TLN2: variants seen among roughly 807,000 people sequenced by gnomAD.
TLN2 encodes the protein talin-2.
A neutral mutation model predicts 294.7 loss-of-function variants in TLN2; 118 were observed. The observed-to-expected ratio is 0.40, with a 90% CI of 0.34 to 0.47. The LOEUF (loss-of-function observed/expected upper bound fraction) is 0.47. Among genes scored for constraint, TLN2 ranks in the 20% least tolerant of loss-of-function variants. TLN2 has a pLI of 0.84. For synonymous variants in TLN2, 1,431 were observed against 1,304.5 expected (o/e 1.10, Z -2.09); for missense variants, 3,083 against 3,282.2 (o/e 0.94, Z 1.48).
intron 1 of TLN2, among the ~76,000 whole-genome samples, chr15:62,494,838 A>G (rs2038937508): frequency 6.6e-6 from 1 of 152,152 alleles, no homozygotes; most frequent in Non-Finnish European, 1.5e-5. Flanking sequence ...CCCCCTTGCT[A>G]TAGCTGGACT....
At chr15:62,680,968 C>T (rs2056777000) in intron 11 of TLN2, among the ~76,000 whole-genome samples, 1 of 152,128 alleles carries the variant, frequency 6.6e-6, no homozygotes, top group Non-Finnish European at 1.5e-5. Flanking sequence ...TTTTCTCTAT[C>T]CACTCATTAG....
chr15:62,583,425 G>T (rs2045313117), intron 1 of TLN2, among the ~76,000 whole-genome samples: 1 of 151,984 alleles, frequency 6.6e-6, no homozygotes, highest in Non-Finnish European at 1.5e-5. Flanking sequence ...TATCATAGTT[G>T]GTCTAGAGAC....
Position 62,750,460 on chromosome 15 carries a change from A to C in TLN2, c.4178A>C (p.Asp1393Ala). The C allele has an allele frequency of 1.2e-6, 2 of 1,614,162 alleles. No homozygotes were observed. The highest frequency in any genetic ancestry group is 4.5e-5 in the East Asian group (2 of 44,882). Residue 1393 changes from aspartate to alanine, a missense_variant, in exon 34 of 59, where the codon GAC becomes GCC. Transcript: ENST00000636159. ...NEPVSDLSYF[D>A]CIESVMENSK... ...CCTGTTAGTGACCTCTCTTACTTTG[A>C]CTGCATTGAGAGTGTGATGGAAAAC...
intron 9 of TLN2, among the ~76,000 whole-genome samples, chr15:62,672,083 G>A (rs911275157): frequency 3.3e-5 from 5 of 152,062 alleles, no homozygotes; most frequent in African/African-American, 7.2e-5. Context: ...AAAAGTTCCC[G>A]ATCAAGTTGT....
chr15:62,683,173 G>A (rs34716172), intron 11 of TLN2: 2 of 152,224 alleles, frequency 1.3e-5, no homozygotes, highest in African/African-American at 4.8e-5. Flanking sequence ...TTTGGGCTTG[G>A]GCCATATTGA....
intron 1 of TLN2, among the ~76,000 whole-genome samples, chr15:62,430,908 C>T (rs1448685225): frequency 5.1e-5 from 7 of 136,038 alleles, no homozygotes; most frequent in Admixed American, 8.1e-5. Context: ...CTGGAGGAGG[C>T]GAGAAAGATG....
chr15:62,768,447 T>A (rs1348327927), intron 41 of TLN2, among the ~76,000 whole-genome samples: 1 of 152,194 alleles, frequency 6.6e-6, no homozygotes, highest in East Asian at 1.9e-4. Context: ...GTTATTGGAT[T>A]TAGAGCCCGT....
chr15:62,490,393 T>G (rs1266639415), intron 1 of TLN2, among the ~76,000 whole-genome samples: 2 of 152,208 alleles, frequency 1.3e-5, no homozygotes, highest in Non-Finnish European at 2.9e-5. Flanking sequence ...TTTGTCTCTA[T>G]CCTCAGAGGA....
intron 1 of TLN2, among the ~76,000 whole-genome samples, chr15:62,536,423 C>T (rs527825311): frequency 1.3e-5 from 2 of 152,188 alleles, no homozygotes; most frequent in Admixed American, 1.3e-4. Flanking sequence ...TCTTCTGTGG[C>T]ACCAATTTGG....
At chr15:62,507,577 G>A (rs2039692831) in intron 1 of TLN2, among the ~76,000 whole-genome samples, 3 of 152,240 alleles carry the variant, frequency 2.0e-5, no homozygotes, top group South Asian at 2.1e-4. Context: ...TGCAGAGTGG[G>A]CTTTGGATAT....
intron 1 of TLN2, among the ~76,000 whole-genome samples, chr15:62,525,976 C>G (rs1013265766): frequency 8.5e-5 from 13 of 152,240 alleles, no homozygotes; most frequent in African/African-American, 2.9e-4. Context: ...TTAAAGACTT[C>G]AGTTTTGCAT....
intron 1 of TLN2, among the ~76,000 whole-genome samples, chr15:62,430,934 C>CAAAAA (rs10649000): frequency 0.017 from 2,382 of 143,662 alleles, 121 homozygotes; most frequent in Admixed American, 0.097. Context: ...CAGGAAAAGC[C>CAAAAA]AAAAAAAAAA....
intron 6 of TLN2, 114 bp downstream of exon 6, chr15:62,652,248 C>A: frequency 8.5e-7 from 1 of 1,172,296 alleles, no homozygotes. Flanking sequence ...CTTAACACGC[C>A]GAGTTCTGCC....
chr15:62,483,018 C>G (rs1044420915), intron 1 of TLN2, among the ~76,000 whole-genome samples: 1 of 152,222 alleles, frequency 6.6e-6, no homozygotes, highest in Non-Finnish European at 1.5e-5. Flanking sequence ...GAGACTGCTT[C>G]TAGACTGGGC....
At chr15:62,835,471 T>A (rs11637970) in intron 55 of TLN2, 535,961 of 541,078 alleles carry the variant, frequency 0.99, 265,613 homozygotes, top group East Asian at 1. Context: ...TTTCCCAGAA[T>A]TGCAGTACCT....
chr15:62,582,231 C>CAT (rs1567138696), intron 1 of TLN2, among the ~76,000 whole-genome samples: 24 of 145,678 alleles, frequency 1.6e-4, no homozygotes, highest in East Asian at 1.0e-3. Context: ...CACACACACA[C>CAT]ACACACACAC....
intron 1 of TLN2, among the ~76,000 whole-genome samples, chr15:62,495,134 G>A (rs1445065992): frequency 6.6e-6 from 1 of 152,078 alleles, no homozygotes; most frequent in Non-Finnish European, 1.5e-5. Flanking sequence ...TCAGTCTCCT[G>A]GCTAGAAAAT....
At chr15:62,730,360 T>C (rs908569331) in intron 28 of TLN2, among the ~76,000 whole-genome samples, 1 of 152,154 alleles carries the variant, frequency 6.6e-6, no homozygotes, top group East Asian at 1.9e-4. Context: ...ATTCTAGGTA[T>C]ATTTTCATCT....
chr15:62,604,206 A>G (rs2047225411), intron 2 of TLN2, among the ~76,000 whole-genome samples: 1 of 152,096 alleles, frequency 6.6e-6, no homozygotes, highest in Non-Finnish European at 1.5e-5. Flanking sequence ...TCTTGCACAT[A>G]TGAGGGAGCT....
Sources: allele counts gnomAD v4.1 joint callset (sites outside exome capture counted in the v4.1 genomes callset), GRCh38; gene constraint gnomAD v4.1.1; transcripts MANE v1.5; gene names NCBI Gene and HGNC (gene_info 2026-07-23, HGNC 2026-07-21).